SCHIP1: variants seen among roughly 807,000 people sequenced by gnomAD.
The protein encoded by SCHIP1 is schwannomin-interacting protein 1.
In SCHIP1, 8 loss-of-function variants were observed where a neutral mutation model predicts 29.7. The observed-to-expected ratio is 0.27, with a 90% CI of 0.16 to 0.49. The LOEUF is 0.49. Ranked by LOEUF, SCHIP1 falls within the 20% of genes least tolerant of loss-of-function variation. SCHIP1 has a pLI of 0.99. For synonymous variants in SCHIP1, 76 were observed against 94.9 expected, an observed-to-expected ratio of 0.80 and a Z score of 1.16; for missense variants, 193 against 294.6, an observed-to-expected ratio of 0.66 and a Z score of 2.52.
chr3:159,401,947 G>A, the SCHIP1 span, among the ~76,000 whole-genome samples: 123,581 of 152,058 alleles, frequency 0.81, 50,464 homozygotes, highest in African/African-American at 0.85. Flanking sequence ...AATTAAACTA[G>A]AGAGCTTCTG....
At chr3:159,723,828 A>C in the SCHIP1 span, among the ~76,000 whole-genome samples, 1 of 152,246 alleles carries the variant, frequency 6.6e-6, no homozygotes, top group South Asian at 2.1e-4. Flanking sequence ...TTCAAATGAA[A>C]GATACTTTGC....
At chr3:159,657,866 G>A in the SCHIP1 span, among the ~76,000 whole-genome samples, 2 of 152,214 alleles carry the variant, frequency 1.3e-5, no homozygotes, top group Non-Finnish European at 2.9e-5. Context: ...ATGCTTGGAA[G>A]TAGGATGTCA....
chr3:159,489,398 A>T, the SCHIP1 span, among the ~76,000 whole-genome samples: 2 of 152,222 alleles, frequency 1.3e-5, no homozygotes, highest in Non-Finnish European at 2.9e-5. Flanking sequence ...TACACACACT[A>T]TCCCTGAATT....
the SCHIP1 span, among the ~76,000 whole-genome samples, chr3:159,744,073 G>GA: frequency 9.9e-5 from 15 of 152,236 alleles, no homozygotes; most frequent in African/African-American, 3.1e-4. Flanking sequence ...TACTAAGAGG[G>GA]AAGAGGTAGA....
At chr3:159,766,187 TG>T in the SCHIP1 span, among the ~76,000 whole-genome samples, 1 of 152,068 alleles carries the variant, frequency 6.6e-6, no homozygotes, top group Non-Finnish European at 1.5e-5. Flanking sequence ...GTGTGGCAGG[TG>T]GGAAAATGCT....
chr3:159,879,277 TTTTC>T (rs1716195686), intron 2 of SCHIP1, among the ~76,000 whole-genome samples: 1 of 152,084 alleles, frequency 6.6e-6, no homozygotes, highest in African/African-American at 2.4e-5. Context: ...TTTCTTTTTT[TTTTC>T]TTTCTTCTCT....
the SCHIP1 span, among the ~76,000 whole-genome samples, chr3:159,604,765 T>C: frequency 6.6e-6 from 1 of 152,230 alleles, no homozygotes; most frequent in Non-Finnish European, 1.5e-5. Context: ...AGTTCATGTG[T>C]TTCTCATAAG....
At chr3:159,779,298 T>C in the SCHIP1 span, among the ~76,000 whole-genome samples, 137 of 152,272 alleles carry the variant, frequency 9.0e-4, 1 homozygote, top group Admixed American at 3.9e-3. Context: ...GTTCAATATT[T>C]GTTGACTGAT....
At chr3:159,410,104 C>A in the SCHIP1 span, among the ~76,000 whole-genome samples, 1 of 152,098 alleles carries the variant, frequency 6.6e-6, no homozygotes, top group East Asian at 1.9e-4. Context: ...CCCTATCTCT[C>A]ACCATATACA....
chr3:159,764,698 C>T, the SCHIP1 span: 2 of 1,575,870 alleles, frequency 1.3e-6, no homozygotes, highest in Non-Finnish European at 1.7e-6. The surrounding 1 kb of genome is among the most constrained non-coding windows in gnomAD (Gnocchi z 6.1). Context: ...GGAGGACGAG[C>T]GCGACCAGCG....
chr3:159,468,319 A>T, the SCHIP1 span, among the ~76,000 whole-genome samples: 1 of 152,154 alleles, frequency 6.6e-6, no homozygotes, highest in African/African-American at 2.4e-5. Flanking sequence ...CGTATGTGTT[A>T]TCCAAAAATA....
chr3:159,335,598 G>A, the SCHIP1 span, among the ~76,000 whole-genome samples: 1 of 152,012 alleles, frequency 6.6e-6, no homozygotes, highest in Non-Finnish European at 1.5e-5. Context: ...GTGGTGATTG[G>A]TTTTTTATCC....
the SCHIP1 span, among the ~76,000 whole-genome samples, chr3:159,621,439 T>G: frequency 1.3e-5 from 2 of 152,230 alleles, no homozygotes; most frequent in African/African-American, 4.8e-5. Context: ...TCTTTGCAAT[T>G]CTGATATAAC....
the SCHIP1 span, among the ~76,000 whole-genome samples, chr3:159,648,771 C>T: frequency 1.3e-5 from 2 of 151,826 alleles, no homozygotes; most frequent in Admixed American, 6.6e-5. Flanking sequence ...CTAGCTGTGG[C>T]GGGCCCCCTC....
chr3:159,768,263 A>C, the SCHIP1 span: 3 of 152,204 alleles, frequency 2.0e-5, no homozygotes, highest in Admixed American at 1.3e-4. Context: ...CCTTAGAATT[A>C]AGGACATAAG....
At chr3:159,551,350 C>T in the SCHIP1 span, among the ~76,000 whole-genome samples, 1 of 152,112 alleles carries the variant, frequency 6.6e-6, no homozygotes, top group Non-Finnish European at 1.5e-5. Context: ...CACACCAAAT[C>T]CCATCTGAAC....
At chr3:159,701,217 T>C in the SCHIP1 span, among the ~76,000 whole-genome samples, 1 of 152,226 alleles carries the variant, frequency 6.6e-6, no homozygotes, top group Admixed American at 6.5e-5. Flanking sequence ...TTCATTGTCA[T>C]TCAACTCTAA....
chr3:159,762,393 T>G, the SCHIP1 span, among the ~76,000 whole-genome samples: 2 of 152,110 alleles, frequency 1.3e-5, no homozygotes, highest in Non-Finnish European at 2.9e-5. Flanking sequence ...AAAAAGGATC[T>G]CAGCACCACA....
chr3:159,640,076 T>C, the SCHIP1 span, among the ~76,000 whole-genome samples: 9 of 152,210 alleles, frequency 5.9e-5, no homozygotes, highest in African/African-American at 2.2e-4. Flanking sequence ...TATTGACTAA[T>C]ACAAGTAATC....
Sources: gnomAD v4.1 joint callset for allele counts (sites outside exome capture counted in the v4.1 genomes callset) on GRCh38, gnomAD v4.1.1 for gene constraint, Gnocchi (gnomAD v3.1) non-coding constraint, MANE v1.5 for transcripts, NCBI Gene and HGNC (gene_info 2026-07-23, HGNC 2026-07-21) for gene names.